SLC26A3: variants seen among roughly 807,000 people sequenced by gnomAD.
SLC26A3 encodes solute carrier family 26 member 3.
A neutral mutation model predicts 85.6 loss-of-function variants in SLC26A3; 64 were observed. The ratio of observed to expected loss-of-function variants is 0.75; its 90% CI spans 0.61 to 0.92. SLC26A3 has a LOEUF of 0.92. Ranked by LOEUF, SLC26A3 falls within the 40% of genes least tolerant of loss-of-function variation. The pLI is 0.00. For synonymous variants in SLC26A3, 349 were observed against 336.0 expected, an observed-to-expected ratio of 1.04 and a Z score of -0.42; for missense variants, 922 against 927.3, an observed-to-expected ratio of 0.99 and a Z score of 0.07.
intron 17 of SLC26A3, among the ~76,000 whole-genome samples, chr7:107,773,321 A>G (rs1212155764): frequency 6.6e-6 from 1 of 152,188 alleles, no homozygotes; most frequent in Non-Finnish European, 1.5e-5. Flanking sequence ...AAGATTTGAG[A>G]ACACCACAGA....
chr7:107,782,071 A>G (rs1794223269), intron 11 of SLC26A3, among the ~76,000 whole-genome samples: 1 of 152,176 alleles, frequency 6.6e-6, no homozygotes, highest in South Asian at 2.1e-4. Context: ...TTTGCCCAAA[A>G]TCACACAGAT....
intron 5 of SLC26A3, among the ~76,000 whole-genome samples, chr7:107,790,788 G>A (rs927423383): frequency 4.2e-5 from 6 of 142,628 alleles, no homozygotes; most frequent in African/African-American, 1.5e-4. Context: ...GAAGCATTTC[G>A]CTTGTCACTG....
intron 1 of SLC26A3, among the ~76,000 whole-genome samples, chr7:107,795,681 T>TG (rs2115892802): frequency 6.6e-6 from 1 of 152,330 alleles, no homozygotes; most frequent in Admixed American, 6.5e-5. Flanking sequence ...GCTTCTCTAT[T>TG]GTTCAATATA....
intron 9 of SLC26A3, 36 bp downstream of exon 9, chr7:107,783,169 T>A: frequency 6.2e-7 from 1 of 1,614,060 alleles, no homozygotes; most frequent in Non-Finnish European, 8.5e-7. Context: ...TTATTTAAAG[T>A]TGCCCAGTGA....
chr7:107,768,931 T>G (rs934606303), intron 18 of SLC26A3, among the ~76,000 whole-genome samples: 2 of 151,672 alleles, frequency 1.3e-5, no homozygotes, highest in Non-Finnish European at 1.5e-5. Context: ...TGGGATGGAG[T>G]GGGTGGCATG....
Position 107,789,566 on chromosome 7 carries a change from C to A in SLC26A3, c.693G>T (p.Gln231His), listed in dbSNP as rs1794357638. ...VLVSQLKFIF[Q>H]LTVPSHTDPV... ...GATCAGTGTGTGACGGGACTGTCAA[C>A]TGAAAAATGAATTTGAGTTGGGAAA... The change falls in exon 6 of 21, where the codon CAG becomes CAT. Residue 231 changes from glutamine to histidine, a missense_variant. Transcript: ENST00000340010. 1.2e-6 allele frequency: 2 copies of A among 1,614,066 alleles called. No homozygotes were observed. The highest frequency in any genetic ancestry group is 4.5e-5 in the East Asian group (2 of 44,882).
intron 1 of SLC26A3, among the ~76,000 whole-genome samples, chr7:107,795,115 A>G (rs1794474691): frequency 2.0e-5 from 3 of 152,180 alleles, no homozygotes; most frequent in Admixed American, 2.0e-4. Flanking sequence ...GAGTTTTACA[A>G]TTTATAGTTA....
At chr7:107,783,115 AC>A (rs779080226) in intron 9 of SLC26A3, 22 bp from the exon 10 acceptor site, 2 of 1,613,466 alleles carry the variant, frequency 1.2e-6, no homozygotes, top group South Asian at 1.1e-5. Flanking sequence ...ACAAGAATGA[AC>A]CTTTTTCAGA....
chr7:107,776,444 A>G lies in SLC26A3; in HGVS notation c.1677+8T>C, dbSNP rs761934735. ...CAAGGAAAAAAATTAAATAACCCCA[A>G]ACCTTACAGCATCGATAAGTTTCCG... On this transcript the variant is annotated splice_region_variant and intron_variant, in intron 15 of 20. Coordinates refer to ENST00000340010, the MANE Select transcript of SLC26A3 (RefSeq NM_000111.3). The G allele has an allele frequency of 1.9e-6, 3 of 1,606,834 alleles. No individual in the cohort carries two copies. Among genetic ancestry groups the G allele is most frequent in the Non-Finnish European group, 2.6e-6 (3 of 1,173,568 alleles).
chr7:107,770,101 C>T (rs1053358489), intron 18 of SLC26A3, among the ~76,000 whole-genome samples: 4 of 105,336 alleles, frequency 3.8e-5, no homozygotes, highest in South Asian at 3.7e-4. Flanking sequence ...TTTCTTATTT[C>T]GTCTTTCTTC....
intron 18 of SLC26A3, among the ~76,000 whole-genome samples, chr7:107,771,189 A>C (rs563927208): frequency 1.3e-5 from 2 of 152,290 alleles, no homozygotes; most frequent in Admixed American, 1.3e-4. Flanking sequence ...TTCTATCTGG[A>C]AAACTAGGTA....
In SLC26A3 at chr7:107,765,742, A is replaced by G. The variant is rs192893142; in HGVS notation, c.*113T>C. On this transcript the variant is annotated 3_prime_UTR_variant, in exon 21 of 21. Coordinates refer to ENST00000340010, the MANE Select transcript of SLC26A3 (RefSeq NM_000111.3). ...ACCATCTTGTTCCAAAGTTTGAAAC[A>G]TATTCTGTCAAAAATACTCTTCGTA... The G allele has an allele frequency of 4.4e-4, 357 of 820,316 alleles. 1 individual carries two copies. The African/African-American group carries it at 5.0e-3, about 11-fold the overall frequency. 50.8% of individuals were successfully genotyped at this position (820,316 alleles called of 1,614,324 possible).
In SLC26A3 at chr7:107,776,526, C is replaced by G. The variant is rs901672945; in HGVS notation, c.1603G>C (p.Val535Leu). 1.2e-6 allele frequency: 2 copies of G among 1,613,954 alleles called. No homozygotes were observed. The highest frequency in any genetic ancestry group is 1.7e-6 in the Non-Finnish European group (2 of 1,179,916). Residue 535 changes from valine (V) to leucine (L), a missense_variant, in exon 15 of 21, where the codon GTG becomes CTG. Transcript: ENST00000340010. ...GGAGATGGACATCTGAAAATTTTCA[C>G]TCCTTCTGGCTCATACATCTGTAAG... is the stretch of plus-strand genomic sequence containing the variant. ...DYYDMYEPEG[V>L]KIFRCPSPIY...
intron 1 of SLC26A3, among the ~76,000 whole-genome samples, chr7:107,801,901 G>A (rs534806378): frequency 2.9e-5 from 4 of 136,230 alleles, no homozygotes; most frequent in Middle Eastern, 4.5e-3. Context: ...CCAACATGGC[G>A]AAACCCCGTC....
At position 107,794,461 on chromosome 7, in the gene SLC26A3, A is replaced by G. The variant is rs746320801; in HGVS notation, c.49T>C (p.Ser17Pro). 5 of 1,614,018 alleles carry G rather than the reference A, an allele frequency of 3.1e-6. No individual in the cohort carries two copies. The South Asian group carries it at 5.5e-5, about 18-fold the overall frequency. ...TGATTTTCCTCAAAAGCATTTGTAG[A>G]ATACACTGGCCTGGCCACAATATAC... ...NQYIVARPVYSTNAFEENHKK... is the reference protein window; with the variant it reads ...NQYIVARPVYPTNAFEENHKK... Residue 17 changes from serine to proline, a missense_variant, in exon 2 of 21, where the codon TCT becomes CCT. Coordinates refer to ENST00000340010, the MANE Select transcript of SLC26A3 (RefSeq NM_000111.3).
At chr7:107,785,391 C>T (rs529604497) in intron 8 of SLC26A3, among the ~76,000 whole-genome samples, 9 of 152,182 alleles carry the variant, frequency 5.9e-5, no homozygotes, top group Non-Finnish European at 1.2e-4. Flanking sequence ...AATGGTTACC[C>T]GTTGCCACAC....
chr7:107,789,115 TTTTC>T (rs1232093808), intron 6 of SLC26A3, among the ~76,000 whole-genome samples: 2 of 125,986 alleles, frequency 1.6e-5, no homozygotes, highest in African/African-American at 5.8e-5. Context: ...TTTCTTTTCT[TTTTC>T]TTTTTTTTTT....
Position 107,767,927 on chromosome 7 carries a change from T to G in SLC26A3, c.2063-19A>C. 1 of 1,611,860 alleles carries G rather than the reference T, an allele frequency of 6.2e-7. No individual in the cohort carries two copies. Among genetic ancestry groups the G allele is most frequent in the Non-Finnish European group, 8.5e-7 (1 of 1,178,458 alleles). ...AAGTCATCTGAAGAGAAAAAAACAG[T>G]AACTTTTAGGAAGAAACAATTGTTT... On this transcript the variant is annotated intron_variant, in intron 18 of 20. Coordinates refer to ENST00000340010, the MANE Select transcript of SLC26A3 (RefSeq NM_000111.3).
intron 1 of SLC26A3, among the ~76,000 whole-genome samples, chr7:107,798,468 C>T (rs1262578321): frequency 1.3e-5 from 2 of 152,168 alleles, no homozygotes. Flanking sequence ...TGTCTTTTGG[C>T]CCTGACCTTT....
Sources: gnomAD v4.1 joint callset for allele counts (sites outside exome capture counted in the v4.1 genomes callset) on GRCh38, gnomAD v4.1.1 for gene constraint, MANE v1.5 for transcripts, NCBI Gene and HGNC (gene_info 2026-07-23, HGNC 2026-07-21) for gene names.